COL26A1: variants seen among roughly 807,000 people sequenced by gnomAD.
COL26A1 encodes the protein collagen alpha-1(XXVI) chain.
Under a neutral mutation model 59.3 loss-of-function variants are expected in COL26A1, and 41 were observed. That is an observed-to-expected ratio of 0.69 (90% confidence interval 0.54 to 0.90). COL26A1 has a LOEUF of 0.90. COL26A1 is among the 40% of genes least tolerant of loss of function. The pLI is 0.00. For synonymous variants in COL26A1, 266 were observed against 256.0 expected, an observed-to-expected ratio of 1.04 and a Z score of -0.37; for missense variants, 612 against 602.3, an observed-to-expected ratio of 1.02 and a Z score of -0.17.
At chr7:101,374,319 T>G (rs1447967933) in intron 1 of COL26A1, among the ~76,000 whole-genome samples, 1 of 152,194 alleles carries the variant, frequency 6.6e-6, no homozygotes, top group Non-Finnish European at 1.5e-5. Flanking sequence ...TCTCCTTGTT[T>G]GCCCCACCCC....
chr7:101,470,758 A>T (rs932513121), intron 3 of COL26A1, among the ~76,000 whole-genome samples: 2 of 151,936 alleles, frequency 1.3e-5, no homozygotes, highest in African/African-American at 4.8e-5. Flanking sequence ...CATAGGCTCG[A>T]TTGATTACAT....
At chr7:101,551,808 C>T (rs1204597844) in intron 10 of COL26A1, among the ~76,000 whole-genome samples, 1 of 151,956 alleles carries the variant, frequency 6.6e-6, no homozygotes, top group Admixed American at 6.5e-5. Context: ...TCAGGCGCTT[C>T]CTTGATGCCC....
At chr7:101,507,707 C>A (rs375063823) in intron 3 of COL26A1, among the ~76,000 whole-genome samples, 5 of 152,124 alleles carry the variant, frequency 3.3e-5, no homozygotes, top group African/African-American at 1.2e-4. Context: ...CGTGAGCCAC[C>A]ACAAAGTGGC....
At chr7:101,471,875 C>A (rs765030986) in intron 3 of COL26A1, among the ~76,000 whole-genome samples, 1 of 151,970 alleles carries the variant, frequency 6.6e-6, no homozygotes, top group Non-Finnish European at 1.5e-5. Context: ...CCGCTGCGCC[C>A]GGCCAGAATA....
intron 3 of COL26A1, among the ~76,000 whole-genome samples, chr7:101,521,174 A>G (rs1584482655): frequency 6.6e-6 from 1 of 152,264 alleles, no homozygotes; most frequent in African/African-American, 2.4e-5. Flanking sequence ...ATCAGATCTC[A>G]TAAGAACTCC....
chr7:101,433,668 C>T (rs118091778), intron 2 of COL26A1, among the ~76,000 whole-genome samples: 51 of 151,796 alleles, frequency 3.4e-4, no homozygotes, highest in Non-Finnish European at 5.4e-4. Context: ...CTGGGGCAGG[C>T]GGGGAAAGGA....
chr7:101,457,910 TTTTTG>T (rs141607666), intron 3 of COL26A1, among the ~76,000 whole-genome samples: 7,285 of 122,822 alleles, frequency 0.059, 239 homozygotes, highest in Middle Eastern at 0.088. Context: ...TTTTTTTTTT[TTTTTG>T]AAATGGAGTC....
At chr7:101,428,764 T>C (rs1352387490) in intron 2 of COL26A1, among the ~76,000 whole-genome samples, 1 of 151,852 alleles carries the variant, frequency 6.6e-6, no homozygotes, top group African/African-American at 2.4e-5. Context: ...TCGCTCGGCC[T>C]CTCAAAGTGT....
At chr7:101,458,197 A>G (rs1793523816) in intron 3 of COL26A1, among the ~76,000 whole-genome samples, 1 of 152,118 alleles carries the variant, frequency 6.6e-6, no homozygotes, top group South Asian at 2.1e-4. Flanking sequence ...ACTTGGCCTC[A>G]TTAGATTTAT....
At chr7:101,472,509 CTGGT>C (rs2130465481) in intron 3 of COL26A1, among the ~76,000 whole-genome samples, 1 of 152,250 alleles carries the variant, frequency 6.6e-6, no homozygotes, top group South Asian at 2.1e-4. Flanking sequence ...TGGAGTCACT[CTGGT>C]TGAGACTCCT....
At chr7:101,549,092 T>C in intron 8 of COL26A1, 79 bp from the exon 9 acceptor site, 1 of 718,520 alleles carries the variant, frequency 1.4e-6, no homozygotes, top group Non-Finnish European at 2.3e-6. Context: ...TGGAGACAGA[T>C]CAAGAACAGG....
At chr7:101,425,881 C>T (rs924935248) in intron 2 of COL26A1, among the ~76,000 whole-genome samples, 8 of 148,346 alleles carry the variant, frequency 5.4e-5, no homozygotes, top group Non-Finnish European at 7.4e-5. Context: ...GGCTGGAGTG[C>T]GGTGGCGTGA....
intron 2 of COL26A1, among the ~76,000 whole-genome samples, chr7:101,436,313 G>C (rs1482535276): frequency 1.3e-5 from 2 of 152,092 alleles, no homozygotes; most frequent in Non-Finnish European, 2.9e-5. Context: ...TATTAATCAA[G>C]AGATTAATAA....
chr7:101,516,001 G>A (rs1393360732), intron 3 of COL26A1, among the ~76,000 whole-genome samples: 1 of 152,162 alleles, frequency 6.6e-6, no homozygotes, highest in Non-Finnish European at 1.5e-5. Context: ...GTAACGCATC[G>A]TGCCCCCTGT....
At chr7:101,507,340 C>T (rs1026039457) in intron 3 of COL26A1, among the ~76,000 whole-genome samples, 23 of 152,250 alleles carry the variant, frequency 1.5e-4, no homozygotes, top group African/African-American at 5.5e-4. Flanking sequence ...GCAAGGGATC[C>T]CCAACATCCC....
chr7:101,381,237 C>T (rs1584355633), intron 1 of COL26A1, among the ~76,000 whole-genome samples: 1 of 152,128 alleles, frequency 6.6e-6, no homozygotes, highest in East Asian at 1.9e-4. Context: ...TAGAATTTAT[C>T]AGCATTCCTT....
intron 3 of COL26A1, among the ~76,000 whole-genome samples, chr7:101,500,686 T>C (rs1454271108): frequency 1.3e-5 from 2 of 151,566 alleles, no homozygotes; most frequent in Non-Finnish European, 2.9e-5. Flanking sequence ...CTGGGCGTGG[T>C]GGTGGGCACC....
Position 101,362,943 on chromosome 7 carries a change from GGCCGGTGCCGCGGGTTCGGTCCGGGC to G in COL26A1, c.-81_-56del. 7.4e-7 allele frequency: 1 copy of G among 1,359,198 alleles called. No individual in the cohort carries two copies. Among genetic ancestry groups the G allele is most frequent in the Non-Finnish European group, 9.8e-7 (1 of 1,025,428 alleles). 84.2% of individuals were successfully genotyped at this position (1,359,198 alleles called of 1,614,324 possible). On this transcript the variant is annotated 5_prime_UTR_variant, in exon 1 of 13. Transcript: ENST00000313669. ...GCCCCGCTCCTCTCGCTGTGCTCCC[GGCCGGTGCCGCGGGTTCGGTCCGGGC>G]GCCGGTGCGCTCCTGCCGGTCCTCG...
At chr7:101,399,661 G>T (rs985292916) in intron 1 of COL26A1, among the ~76,000 whole-genome samples, 1 of 151,288 alleles carries the variant, frequency 6.6e-6, no homozygotes, top group African/African-American at 2.4e-5. Context: ...GTTTCACCAT[G>T]TTGCCCAGGC....
Sources: allele counts gnomAD v4.1 joint callset (sites outside exome capture counted in the v4.1 genomes callset), GRCh38; gene constraint gnomAD v4.1.1; transcripts MANE v1.5; gene names NCBI Gene and HGNC (gene_info 2026-07-23, HGNC 2026-07-21).